The following BCOR variants were observed in gnomAD, a reference collection of about 807,000 sequenced individuals.
BCOR encodes the protein BCL6 corepressor.
BCOR carries 10 observed loss-of-function variants against 86.7 expected under a neutral mutation model. The observed-to-expected ratio is 0.12, with a 90% CI of 0.07 to 0.20. The LOEUF (loss-of-function observed/expected upper bound fraction) is 0.20. Among genes scored for constraint, BCOR ranks in the 10% least tolerant of loss-of-function variants. BCOR has a pLI of 1.00. For missense variants in BCOR, 1,259 were observed against 1,452.1 expected (o/e 0.87, Z 2.16); for synonymous variants, 611 against 609.0 (o/e 1.00, Z -0.05).
At chrX:40,104,222 C>A (rs1205812179) in intron 1 of BCOR, among the ~76,000 whole-genome samples, 1 of 111,719 alleles carries the variant, frequency 9.0e-6, no homozygotes, top group Non-Finnish European at 1.9e-5. Flanking sequence ...CACTCAGTGC[C>A]TTCAAACTAA....
chrX:40,082,488 C>G (rs1936152406), intron 1 of BCOR, among the ~76,000 whole-genome samples: 1 of 111,684 alleles, frequency 9.0e-6, no homozygotes, highest in Non-Finnish European at 1.9e-5. Context: ...CAGCAGTTAA[C>G]AGCCAGAAGA....
intron 4 of BCOR, 61 bp downstream of exon 4, chrX:40,072,288 G>T: frequency 8.9e-7 from 1 of 1,119,885 alleles, no homozygotes; most frequent in Non-Finnish European, 1.2e-6. Context: ...CCCCAATCCT[G>T]TTTACACATT....
At chrX:40,054,648 G>A (rs974699490) in intron 12 of BCOR, among the ~76,000 whole-genome samples, 3 of 111,385 alleles carry the variant, frequency 2.7e-5, no homozygotes, top group South Asian at 3.8e-4. Flanking sequence ...GACTAGAGGC[G>A]CCCACCACCA....
chrX:40,125,775 T>C (rs938181333), intron 1 of BCOR, among the ~76,000 whole-genome samples: 1 of 112,225 alleles, frequency 8.9e-6, no homozygotes, highest in Non-Finnish European at 1.9e-5. Context: ...GGCAACTTGT[T>C]ATGCAGCATT....
At chrX:40,058,740 C>T (rs1485336135) in intron 10 of BCOR, among the ~76,000 whole-genome samples, 2 of 111,623 alleles carry the variant, frequency 1.8e-5, no homozygotes, top group Non-Finnish European at 3.8e-5. Context: ...AGAAGGCATG[C>T]CCACAGATGC....
chrX:40,058,078 C>T (rs1934688513), intron 10 of BCOR, among the ~76,000 whole-genome samples: 1 of 112,333 alleles, frequency 8.9e-6, no homozygotes, highest in African/African-American at 3.2e-5. Flanking sequence ...GAATCTAATA[C>T]ACCACATACC....
At chrX:40,159,168 T>G (rs1159848356) in intron 1 of BCOR, among the ~76,000 whole-genome samples, 1 of 112,223 alleles carries the variant, frequency 8.9e-6, no homozygotes. Flanking sequence ...AGTTGTTGTT[T>G]AGGAAAAATG....
chrX:40,162,271 G>A (rs773204011), intron 1 of BCOR, among the ~76,000 whole-genome samples: 2 of 111,874 alleles, frequency 1.8e-5, no homozygotes, highest in Middle Eastern at 4.6e-3. Context: ...CTGTGTTTTG[G>A]CTGGGGACCT....
intron 1 of BCOR, among the ~76,000 whole-genome samples, chrX:40,112,230 C>T (rs1351085146): frequency 1.8e-5 from 2 of 111,405 alleles, no homozygotes; most frequent in Non-Finnish European, 3.8e-5. Context: ...GGATCCTCCC[C>T]TTCCTCCCCA....
intron 1 of BCOR, among the ~76,000 whole-genome samples, chrX:40,094,250 C>T (rs920125856): frequency 8.9e-6 from 1 of 112,529 alleles, no homozygotes; most frequent in Admixed American, 9.3e-5. Context: ...GCGCCTCCCC[C>T]CCCTCCAGTC....
intron 1 of BCOR, 129 bp downstream of exon 1, chrX:40,097,086 C>G (rs1469072361): frequency 8.9e-6 from 1 of 112,810 alleles, no homozygotes; most frequent in East Asian, 2.8e-4. Context: ...AAGGGAAGCG[C>G]GAGGCAAAAG....
chrX:40,117,069 C>G lies in BCOR; in HGVS notation c.-40-39100G>C, dbSNP rs376975122. Among the ~76,000 whole-genome samples, 61 of 112,520 alleles carry G rather than the reference C, an allele frequency of 5.4e-4. 2 individuals carry two copies. The highest frequency in any genetic ancestry group is 2.9e-3 in the Admixed American group (31 of 10,654). ...GTTTCCAAGATAATTTAGGTTCAGT[C>G]TTTCTTCAAACCAGCCATTGTCCTC... is the stretch of plus-strand genomic sequence containing the variant. On this transcript the variant is annotated intron_variant, in intron 1 of 14. Transcript: ENST00000342274.
chrX:40,154,133 G>T (rs982011002), intron 1 of BCOR, among the ~76,000 whole-genome samples: 1 of 111,685 alleles, frequency 9.0e-6, no homozygotes, highest in Admixed American at 9.4e-5. Context: ...AATTAATAAT[G>T]ATAATAAGAG....
Position 40,062,919 on chromosome X carries a change from A to C in BCOR, c.4000T>G (p.Cys1334Gly). The C allele has an allele frequency of 1.7e-6, 2 of 1,209,648 alleles. No individual in the cohort carries two copies. Among genetic ancestry groups the C allele is most frequent in the Non-Finnish European group, 2.2e-6 (2 of 894,349 alleles). Residue 1334 changes from cysteine (C) to glycine (G), a missense_variant, in exon 9 of 15, where the codon TGT (cysteine) becomes GGT (glycine). This residue lies in a region of BCOR where 305 missense variants were observed against 286.1 expected (regional missense o/e 1.07). Transcript: ENST00000378444. Reference sequence around the variant, plus strand: ...TGGCAATCCTCTTCTTCGTCTGCACACAGCACATCTGTCTTCTGGTTTTCT... The same window carrying C: ...TGGCAATCCTCTTCTTCGTCTGCACCCAGCACATCTGTCTTCTGGTTTTCT... The part of the protein sequence containing the change: ...IKENQKTDVL[C>G]ADEEEDCQAA...
chrX:40,176,725 CAG>C (rs1938764890), intron 1 of BCOR, among the ~76,000 whole-genome samples: 2 of 111,683 alleles, frequency 1.8e-5, no homozygotes, highest in African/African-American at 6.5e-5. Context: ...TCCCAGCGCC[CAG>C]AGTCAGCCGG....
chrX:40,064,090 G>T (rs1935053453), intron 7 of BCOR, 138 bp from the exon 8 acceptor site: 2 of 639,001 alleles, frequency 3.1e-6, no homozygotes, highest in Non-Finnish European at 4.7e-6. Flanking sequence ...ATCATCTTTG[G>T]CCATCTGGGT....
At chrX:40,147,963 C>G (rs1938096202) in intron 1 of BCOR, among the ~76,000 whole-genome samples, 1 of 111,717 alleles carries the variant, frequency 9.0e-6, no homozygotes, top group Non-Finnish European at 1.9e-5. Context: ...CCTCCTTGAG[C>G]CCAGGACAAA....
chrX:40,104,094 G>A (rs769560223), intron 1 of BCOR, among the ~76,000 whole-genome samples: 2 of 111,301 alleles, frequency 1.8e-5, no homozygotes, highest in Non-Finnish European at 3.8e-5. Context: ...GATTACTAGT[G>A]CAATTAGGCT....
rs375639152 is a variant in BCOR at position 40,063,922 on chromosome X, C to T, written c.3533G>A (p.Ser1178Asn). The part of the protein sequence containing the change: ...DDWPEREMTN[S>N]SSNHLEDPHY... Reference sequence around the variant, plus strand: ...TGGGTCTTCTAAGTGGTTAGAGGAACTGTTTGTCATTTCCCTCTCAGGCCA... The same window carrying T: ...TGGGTCTTCTAAGTGGTTAGAGGAATTGTTTGTCATTTCCCTCTCAGGCCA... The change falls in exon 8 of 15, where the codon AGT (serine) becomes AAT (asparagine). Residue 1178 changes from serine to asparagine, a missense_variant. Around this residue, in one of 7 missense-constraint regions of BCOR, gnomAD observed 305 missense variants for 286.1 expected, o/e 1.07. Coordinates refer to ENST00000378444, the MANE Select transcript of BCOR (RefSeq NM_001123385.2). 119 of 1,200,173 alleles carry T rather than the reference C, an allele frequency of 9.9e-5. No homozygotes were observed. The African/African-American group carries it at 1.8e-3, about 18-fold the overall frequency.
Sources: allele counts gnomAD v4.1 joint callset (sites outside exome capture counted in the v4.1 genomes callset), GRCh38; gene constraint gnomAD v4.1.1; regional missense constraint gnomAD v4.1.1; transcripts MANE v1.5; gene names NCBI Gene and HGNC (gene_info 2026-07-23, HGNC 2026-07-21).